Variants in SUMO2 observed in about 807,000 individuals in gnomAD.
SUMO2 encodes the protein small ubiquitin like modifier 2.
SUMO2 carries 1 observed loss-of-function variant against 16.0 expected under a neutral mutation model. The observed-to-expected ratio is 0.06, with a 90% confidence interval of 0.02 to 0.30. The LOEUF is 0.30. Among genes scored for constraint, SUMO2 ranks in the 10% least tolerant of loss-of-function variants. The probability of loss-of-function intolerance (pLI) is 1.00; values close to 1 mark genes in which losing one functional copy is unlikely to be tolerated. For missense variants in SUMO2, 16 were observed against 117.5 expected, an observed-to-expected ratio of 0.14 and a Z score of 3.99; for synonymous variants, 36 against 40.6, an observed-to-expected ratio of 0.89 and a Z score of 0.43.
At chr17:75,181,033 G>A (rs374831714) in intron 2 of SUMO2, 24 bp downstream of exon 2, 2 of 1,612,588 alleles carry the variant, frequency 1.2e-6, no homozygotes, top group Non-Finnish European at 1.7e-6. Flanking sequence ...TTATTCAGTG[G>A]AAGTACACAT....
chr17:75,181,655 A>C (rs2074829902), intron 1 of SUMO2, among the ~76,000 whole-genome samples: 1 of 152,212 alleles, frequency 6.6e-6, no homozygotes. Context: ...TACCAAACTC[A>C]GTTTAATAAC....
Position 75,166,515 on chromosome 17 carries a change from A to G in SUMO2, c.*1824T>C, listed in dbSNP as rs1425244472. On this transcript the variant is annotated 3_prime_UTR_variant, in exon 4 of 4. Transcript: ENST00000420826. Reference sequence around the variant, plus strand: ...TTAAAAAATTAAAAAGGGGCTGGGCATAGTGGCTCACGCCTGTAAACCCAG... The same window carrying G: ...TTAAAAAATTAAAAAGGGGCTGGGCGTAGTGGCTCACGCCTGTAAACCCAG... 1 of 152,264 alleles carries G rather than the reference A, an allele frequency of 6.6e-6. No homozygotes were observed. The highest frequency in any genetic ancestry group is 1.5e-5 in the Non-Finnish European group (1 of 68,116). 9.4% of individuals were successfully genotyped at this position (152,264 alleles called of 1,614,324 possible). A position where few individuals can be genotyped will look rare whatever the true frequency, so the allele number is the denominator to read the frequency against.
At position 75,174,745 on chromosome 17, in the gene SUMO2, T is replaced by G. The variant is rs190089656; in HGVS notation, c.225+7A>C. ...GTAATTTTTCTAATTAGGAGAGATT[T>G]TTTTACCTGTGCAGGTGTGTCTGTT... On this transcript the variant is annotated splice_region_variant and intron_variant, in intron 3 of 3. Transcript: ENST00000420826. The G allele has an allele frequency of 3.1e-4, 497 of 1,612,164 alleles. 6 individuals carry two copies. The African/African-American group carries it at 5.4e-3, about 18-fold the overall frequency.
intron 1 of SUMO2, among the ~76,000 whole-genome samples, chr17:75,182,012 G>A (rs149752274): frequency 6.6e-6 from 1 of 152,078 alleles, no homozygotes; most frequent in Non-Finnish European, 1.5e-5. Flanking sequence ...AGCAAGTCCC[G>A]TGTGCCCCGA....
At chr17:75,171,238 C>A (rs2074736114) in intron 3 of SUMO2, among the ~76,000 whole-genome samples, 1 of 151,840 alleles carries the variant, frequency 6.6e-6, no homozygotes, top group African/African-American at 2.4e-5. Flanking sequence ...AAGCAATTCT[C>A]CTGCCTCAGC....
Position 75,167,356 on chromosome 17 carries a change from TAAGTGCAGGCTA to T in SUMO2, c.*971_*982del, listed in dbSNP as rs1380970672. The T allele has an allele frequency of 6.6e-6, 1 of 152,048 alleles. No individual in the cohort carries two copies. Among genetic ancestry groups the T allele is most frequent in the Non-Finnish European group, 1.5e-5 (1 of 68,026 alleles). The allele number at this position is 152,048 out of a possible 1,614,324, so 9.4% of individuals were successfully genotyped here. A position where few individuals can be genotyped will look rare whatever the true frequency, so the allele number is the denominator to read the frequency against. On this transcript the variant is annotated 3_prime_UTR_variant, in exon 4 of 4. Coordinates refer to ENST00000420826, the MANE Select transcript of SUMO2 (RefSeq NM_006937.4). ...TAGGTTAGGGAGTATTTACTTATGA[TAAGTGCAGGCTA>T]GAATGGTTCAGTGTTTTATCAGCAA...
chr17:75,174,925 CTAAA>C (rs961499430), intron 2 of SUMO2, 102 bp from the exon 3 acceptor site: 5 of 987,198 alleles, frequency 5.1e-6, no homozygotes, highest in African/African-American at 4.9e-5. Flanking sequence ...AAAGAAATAC[CTAAA>C]TAAACAATTG....
rs2145213665 is a variant in SUMO2 at position 75,167,681 on chromosome 17, T to A, written c.*658A>T. ...TCTAAGCAGGCCTATTTATGTTTTT[T>A]CTAAGCCTCAATTTTCTATTTAATA... is the stretch of plus-strand genomic sequence containing the variant. On this transcript the variant is annotated 3_prime_UTR_variant, in exon 4 of 4. Transcript: ENST00000420826. 1 of 152,648 alleles carries A rather than the reference T, an allele frequency of 6.6e-6. No individual in the cohort carries two copies. The highest frequency in any genetic ancestry group is 2.4e-5 in the African/African-American group (1 of 41,576). 9.5% of individuals were successfully genotyped at this position (152,648 alleles called of 1,614,324 possible).
chr17:75,170,030 G>C (rs1389891155), intron 3 of SUMO2, among the ~76,000 whole-genome samples: 1 of 151,478 alleles, frequency 6.6e-6, no homozygotes, highest in Admixed American at 6.6e-5. Flanking sequence ...TTAGCTGGGC[G>C]TGGTGGCGCA....
At position 75,173,476 on chromosome 17, in the gene SUMO2, CA is replaced by C. The variant is rs1482524296; in HGVS notation, c.225+1275del. ...ACCAAGTCAGGACAAGACTGGAAGT[CA>C]TTTTTTTTTTTTTTTGAGAGAGGGC... On this transcript the variant is annotated intron_variant, in intron 3 of 3. Transcript: ENST00000420826. Among the ~76,000 whole-genome samples, 306 of 140,954 alleles carry C rather than the reference CA, an allele frequency of 2.2e-3. 2 individuals carry two copies. Among genetic ancestry groups the C allele is most frequent in the Middle Eastern group, 3.8e-3 (1 of 262 alleles). 92.5% of individuals were successfully genotyped at this position (140,954 alleles called of 152,430 possible). A position where few individuals can be genotyped will look rare whatever the true frequency, so the allele number is the denominator to read the frequency against.
In SUMO2 at chr17:75,168,014, A is replaced by G. The variant is rs572790256; in HGVS notation, c.*325T>C. ...CAAAATAACTTACTGGAATATAAAG[A>G]TAAGAGCTGAATGAGCATGCCACTA... On this transcript the variant is annotated 3_prime_UTR_variant, in exon 4 of 4. Transcript: ENST00000420826. The G allele has an allele frequency of 2.1e-4, 42 of 201,186 alleles. No homozygotes were observed. Among genetic ancestry groups the G allele is most frequent in the African/African-American group, 7.6e-4 (33 of 43,294 alleles). 12.5% of individuals were successfully genotyped at this position (201,186 alleles called of 1,614,324 possible). A position where few individuals can be genotyped will look rare whatever the true frequency, so the allele number is the denominator to read the frequency against.
intron 3 of SUMO2, among the ~76,000 whole-genome samples, chr17:75,171,389 C>T (rs1209724362): frequency 6.6e-6 from 1 of 151,724 alleles, no homozygotes; most frequent in Non-Finnish European, 1.5e-5. Flanking sequence ...TGGTGGGCGC[C>T]TGTAATCCCA....
At chr17:75,176,003 C>T (rs965826664) in intron 2 of SUMO2, among the ~76,000 whole-genome samples, 2 of 151,830 alleles carry the variant, frequency 1.3e-5, no homozygotes, top group African/African-American at 4.8e-5. Context: ...TAGAACATAC[C>T]TTGAGACAAA....
intron 3 of SUMO2, among the ~76,000 whole-genome samples, chr17:75,169,907 C>T (rs1468083746): frequency 6.7e-6 from 1 of 149,160 alleles, no homozygotes; most frequent in Non-Finnish European, 1.5e-5. Flanking sequence ...GTAATCTCAA[C>T]ACTTTGGGAG....
chr17:75,181,678 TC>T (rs1208986678), intron 1 of SUMO2, among the ~76,000 whole-genome samples: 1 of 151,864 alleles, frequency 6.6e-6, no homozygotes, highest in African/African-American at 2.4e-5. Context: ...AAATCCAATC[TC>T]CATTAAAGGA....
chr17:75,173,285 C>T (rs2074756243), intron 3 of SUMO2, among the ~76,000 whole-genome samples: 2 of 151,932 alleles, frequency 1.3e-5, no homozygotes, highest in Admixed American at 6.6e-5. Context: ...CACTAAACTT[C>T]CCAAGAAGCT....
intron 3 of SUMO2, among the ~76,000 whole-genome samples, chr17:75,170,865 A>C (rs1229547705): frequency 2.6e-5 from 4 of 151,918 alleles, no homozygotes; most frequent in African/African-American, 9.7e-5. Flanking sequence ...AAAAAAAAAA[A>C]AAAACCCAAA....
chr17:75,167,122 A>G lies in SUMO2; in HGVS notation c.*1217T>C, dbSNP rs1454800816. ...CACCTAAGGTCAGGAGTTCGAGACCAGCCTGGCATACGTGATAAAACCCTG... is the reference window on the plus strand; with the variant it reads ...CACCTAAGGTCAGGAGTTCGAGACCGGCCTGGCATACGTGATAAAACCCTG... On this transcript the variant is annotated 3_prime_UTR_variant, in exon 4 of 4. Coordinates refer to ENST00000420826, the MANE Select transcript of SUMO2 (RefSeq NM_006937.4). 1 of 148,146 alleles carries G rather than the reference A, an allele frequency of 6.8e-6. No individual in the cohort carries two copies. The highest frequency in any genetic ancestry group is 7.0e-5 in the Admixed American group (1 of 14,304). 9.2% of individuals were successfully genotyped at this position (148,146 alleles called of 1,614,324 possible).
In SUMO2 at chr17:75,168,246, G is replaced by C. The variant is rs540612646; in HGVS notation, c.*93C>G. On this transcript the variant is annotated 3_prime_UTR_variant, in exon 4 of 4. Transcript: ENST00000420826. ...GAGAAAACTATACGGTAGTAGTCAG[G>C]ATGTGGTGGAACCAAATTGCAGTTT... 28 of 909,898 alleles carry C rather than the reference G, an allele frequency of 3.1e-5. No individual in the cohort carries two copies. Among genetic ancestry groups the C allele is most frequent in the Non-Finnish European group, 2.5e-5 (15 of 603,016 alleles). The allele number at this position is 909,898 out of a possible 1,614,324, so 56.4% of individuals were successfully genotyped here. A position where few individuals can be genotyped will look rare whatever the true frequency, so the allele number is the denominator to read the frequency against.
Sources: allele counts gnomAD v4.1 joint callset (sites outside exome capture counted in the v4.1 genomes callset), GRCh38; gene constraint gnomAD v4.1.1; transcripts MANE v1.5; gene names NCBI Gene and HGNC (gene_info 2026-07-23, HGNC 2026-07-21).